Variants in CDH18 observed in about 807,000 individuals in gnomAD.
CDH18 encodes cadherin 18, also known as cadherin-18.
CDH18 carries 31 observed loss-of-function variants against 67.9 expected under a neutral mutation model. That is an observed-to-expected ratio of 0.46 (90% CI 0.34 to 0.62). CDH18 has a LOEUF of 0.62. Among genes scored for constraint, CDH18 ranks in the 20% least tolerant of loss-of-function variants. CDH18 has a pLI of 0.01. For missense variants in CDH18, 890 were observed against 975.5 expected (o/e 0.91, Z 1.17); for synonymous variants, 362 against 347.2 (o/e 1.04, Z -0.48).
chr5:20,023,521 T>C (rs1738610082), intron 2 of CDH18, among the ~76,000 whole-genome samples: 1 of 151,788 alleles, frequency 6.6e-6, no homozygotes, highest in African/African-American at 2.4e-5. Flanking sequence ...TAGCCGGGCG[T>C]GGTGGCGGGC....
At chr5:20,495,840 T>C (rs1753875599) in intron 1 of CDH18, among the ~76,000 whole-genome samples, 1 of 152,046 alleles carries the variant, frequency 6.6e-6, no homozygotes, top group South Asian at 2.1e-4. Context: ...GAAAATACAA[T>C]GTAGAAATAA....
At chr5:20,501,559 A>ATATATATATTATATATATATAT (rs1754290597) in intron 1 of CDH18, among the ~76,000 whole-genome samples, 1 of 24,990 alleles carries the variant, frequency 4.0e-5, no homozygotes, top group Non-Finnish European at 8.6e-5. Context: ...TATATATAAT[A>ATATATATATTATATATATATAT]TATATATATA....
At chr5:19,480,579 G>A (rs1357114381) in intron 12 of CDH18, among the ~76,000 whole-genome samples, 4 of 151,640 alleles carry the variant, frequency 2.6e-5, no homozygotes, top group African/African-American at 9.7e-5. Flanking sequence ...GGGTTTCACC[G>A]TGTTAGCCAG....
Position 20,244,227 on chromosome 5 carries a change from A to G in CDH18, c.-518+11217T>C, listed in dbSNP as rs377758531. 1.8e-3 allele frequency among the ~76,000 whole-genome samples: 271 copies of G among 152,246 alleles called. 2 individuals are homozygous for G. The highest frequency in any genetic ancestry group is 6.2e-3 in the African/African-American group (259 of 41,570). On this transcript the variant is annotated intron_variant, in intron 2 of 14. Transcript: ENST00000507958. The stretch of plus-strand genomic sequence containing the variant: ...TTTTATGTTTGAAATTTCATGTTGC[A>G]TGATCTAACTTAATGTGATAAAGAA...
intron 1 of CDH18, among the ~76,000 whole-genome samples, chr5:20,329,312 T>C (rs1738930697): frequency 6.6e-6 from 1 of 152,182 alleles, no homozygotes; most frequent in South Asian, 2.1e-4. Context: ...TTTTAGGTAG[T>C]TCTAATATTT....
chr5:19,536,774 G>T (rs1749483175), intron 9 of CDH18, among the ~76,000 whole-genome samples: 1 of 152,140 alleles, frequency 6.6e-6, no homozygotes, highest in African/African-American at 2.4e-5. Context: ...CTGGGCCAAG[G>T]CCTGAGGATC....
At chr5:20,521,418 T>TA (rs1755736827) in intron 1 of CDH18, among the ~76,000 whole-genome samples, 1 of 152,044 alleles carries the variant, frequency 6.6e-6, no homozygotes, top group Non-Finnish European at 1.5e-5. Flanking sequence ...ATAATGCAAA[T>TA]AAGACTTAGG....
intron 2 of CDH18, among the ~76,000 whole-genome samples, chr5:20,088,643 T>C (rs1482201271): frequency 6.6e-6 from 1 of 152,124 alleles, no homozygotes; most frequent in Non-Finnish European, 1.5e-5. Flanking sequence ...AGATCGACTC[T>C]GGCCAGGAGT....
intron 2 of CDH18, among the ~76,000 whole-genome samples, chr5:19,941,607 C>T (rs1161782731): frequency 6.6e-6 from 1 of 151,620 alleles, no homozygotes; most frequent in African/African-American, 2.4e-5. Context: ...CATAGCGAGA[C>T]CCCCATCCCT....
chr5:20,493,406 T>TG (rs2126398629), intron 1 of CDH18, among the ~76,000 whole-genome samples: 1 of 150,334 alleles, frequency 6.7e-6, no homozygotes, highest in East Asian at 2.0e-4. Flanking sequence ...TTTTGTTTTA[T>TG]TTTTTATTGT....
At chr5:20,172,190 G>GTGTATATATATATATA (rs1342353318) in intron 2 of CDH18, among the ~76,000 whole-genome samples, 12 of 23,330 alleles carry the variant, frequency 5.1e-4, no homozygotes, top group South Asian at 3.8e-3. Context: ...AGCATTGTGT[G>GTGTATATATATATATA]TATATATATA....
At chr5:20,276,406 T>C (rs1483701279) in intron 1 of CDH18, among the ~76,000 whole-genome samples, 1 of 152,150 alleles carries the variant, frequency 6.6e-6, no homozygotes, top group Non-Finnish European at 1.5e-5. Flanking sequence ...AGGCTCTCAC[T>C]CCTTGATGTT....
chr5:19,665,725 A>C (rs2150328604), intron 5 of CDH18, among the ~76,000 whole-genome samples: 1 of 152,180 alleles, frequency 6.6e-6, no homozygotes, highest in South Asian at 2.1e-4. Context: ...GGAAATGGGT[A>C]ATTGGGTAAG....
intron 7 of CDH18, among the ~76,000 whole-genome samples, chr5:19,589,213 T>C (rs542109177): frequency 7.9e-5 from 12 of 152,194 alleles, no homozygotes; most frequent in African/African-American, 2.9e-4. Context: ...CCGAATCCAA[T>C]CAATGTTTAT....
At chr5:19,900,256 G>T (rs1789801749) in intron 2 of CDH18, among the ~76,000 whole-genome samples, 1 of 151,950 alleles carries the variant, frequency 6.6e-6, no homozygotes, top group Non-Finnish European at 1.5e-5. Flanking sequence ...AAGGAGAGAG[G>T]GAGGGAAGTG....
At chr5:20,039,863 A>G (rs1740249018) in intron 2 of CDH18, among the ~76,000 whole-genome samples, 1 of 152,202 alleles carries the variant, frequency 6.6e-6, no homozygotes, top group Non-Finnish European at 1.5e-5. Context: ...TAATTAAACT[A>G]AAGAGCTTCT....
chr5:19,611,949 C>CGTGTGTGTGTGTGTGTGT (rs3062879), intron 6 of CDH18, among the ~76,000 whole-genome samples: 48 of 139,010 alleles, frequency 3.5e-4, no homozygotes, highest in African/African-American at 1.2e-3. Context: ...TTGGATGATG[C>CGTGTGTGTGTGTGTGTGT]GTGTGTGTGT....
At chr5:20,305,728 C>T (rs1228824632) in intron 1 of CDH18, 1 of 373,008 alleles carries the variant, frequency 2.7e-6, no homozygotes, top group East Asian at 6.4e-5. Flanking sequence ...AGCCGGAGAC[C>T]GCTGTGGGAA....
At chr5:19,998,684 A>G (rs1185018371) in intron 2 of CDH18, among the ~76,000 whole-genome samples, 1 of 152,082 alleles carries the variant, frequency 6.6e-6, no homozygotes, top group Non-Finnish European at 1.5e-5. Context: ...TTGTAGTGTG[A>G]GTTAAGGGGG....
Sources: allele counts gnomAD v4.1 joint callset (sites outside exome capture counted in the v4.1 genomes callset), GRCh38; gene constraint gnomAD v4.1.1; transcripts MANE v1.5; gene names NCBI Gene and HGNC (gene_info 2026-07-23, HGNC 2026-07-21).